The following WDFY4 variants were observed in gnomAD, a reference collection of about 807,000 sequenced individuals.
The protein encoded by WDFY4 is WDFY family member 4.
A neutral mutation model predicts 351.9 loss-of-function variants in WDFY4; 169 were observed. That is an observed-to-expected ratio of 0.48 (90% CI 0.42 to 0.55). The LOEUF is 0.55. WDFY4 is among the 20% of genes least tolerant of loss of function. The probability of loss-of-function intolerance (pLI) is 0.00; values close to 1 mark genes in which losing one functional copy is unlikely to be tolerated. For synonymous variants in WDFY4, 1,622 were observed against 1,574.6 expected (o/e 1.03, Z -0.71); for missense variants, 3,803 against 3,935.6 (o/e 0.97, Z 0.90).
At position 48,811,702 on chromosome 10, in the gene WDFY4, G is replaced by T. The variant is rs773056961; in HGVS notation, c.5208G>T (p.Gly1736=). ...CACCACTCACAGAGCTGATGGACGG[G>T]CCCAAAGTAGGTTTTCAGAGCACCC... The part of the protein sequence containing the change: ...LQTPLTELMD[G]PKDSLDAMLQ... Residue 1736 remains glycine (G), a synonymous_variant, in exon 30 of 62, where the codon GGG becomes GGT. Coordinates refer to ENST00000325239, the MANE Select transcript of WDFY4 (RefSeq NM_001394531.1). 1 of 1,551,448 alleles carries T rather than the reference G, an allele frequency of 6.4e-7. No individual in the cohort carries two copies. Among genetic ancestry groups the T allele is most frequent in the South Asian group, 1.2e-5 (1 of 84,056 alleles).
chr10:48,787,710 C>A (rs934809563), intron 20 of WDFY4, among the ~76,000 whole-genome samples: 1 of 152,102 alleles, frequency 6.6e-6, no homozygotes, highest in Non-Finnish European at 1.5e-5. Flanking sequence ...CTGGTAGTTT[C>A]GCACCTGGAG....
intron 44 of WDFY4, among the ~76,000 whole-genome samples, chr10:48,895,570 A>G (rs1264574531): frequency 6.6e-6 from 1 of 152,200 alleles, no homozygotes. Flanking sequence ...AGATGACTAC[A>G]TGCCCCAGAT....
intron 40 of WDFY4, among the ~76,000 whole-genome samples, chr10:48,868,749 A>G (rs1036940493): frequency 5.9e-5 from 9 of 152,204 alleles, no homozygotes; most frequent in Non-Finnish European, 4.4e-5. Flanking sequence ...CCTAATCTGC[A>G]TCTCGTCTAG....
At chr10:48,950,429 C>T (rs1181652260) in intron 51 of WDFY4, among the ~76,000 whole-genome samples, 1 of 152,190 alleles carries the variant, frequency 6.6e-6, no homozygotes, top group African/African-American at 2.4e-5. Context: ...GTTTATCATT[C>T]GTCCATGGCT....
intron 12 of WDFY4, among the ~76,000 whole-genome samples, chr10:48,747,032 T>C (rs10857630): frequency 0.23 from 35,240 of 152,164 alleles, 4,240 homozygotes; most frequent in African/African-American, 0.31. Context: ...CTAGTACATC[T>C]GTTAAACTTT....
chr10:48,728,917 G>A (rs886897288), intron 7 of WDFY4, among the ~76,000 whole-genome samples: 7 of 152,224 alleles, frequency 4.6e-5, no homozygotes, highest in East Asian at 1.9e-4. Context: ...CTGAAGTCAC[G>A]CTGCAAGAAC....
At chr10:48,820,107 G>A in intron 32 of WDFY4, 127 bp from the exon 33 acceptor site, 2 of 1,062,426 alleles carry the variant, frequency 1.9e-6, no homozygotes, top group Admixed American at 2.3e-5. Context: ...GCTTTCCTGT[G>A]CGGAGCCTCA....
intron 6 of WDFY4, among the ~76,000 whole-genome samples, chr10:48,726,377 T>C (rs1185306984): frequency 6.6e-6 from 1 of 152,240 alleles, no homozygotes; most frequent in African/African-American, 2.4e-5. Flanking sequence ...CTTTGTACAT[T>C]ATCTTGCTTG....
At chr10:48,697,537 G>A (rs1208689015) in intron 1 of WDFY4, among the ~76,000 whole-genome samples, 5 of 152,244 alleles carry the variant, frequency 3.3e-5, no homozygotes, top group Non-Finnish European at 7.3e-5. Flanking sequence ...CCAGGCATCT[G>A]ATGTGCAGGT....
At chr10:48,952,707 C>CTTGA (rs375224437) in intron 51 of WDFY4, among the ~76,000 whole-genome samples, 50 of 152,162 alleles carry the variant, frequency 3.3e-4, no homozygotes, top group African/African-American at 1.2e-3. Context: ...TTCAGCAAGT[C>CTTGA]TTGACGGGTT....
At chr10:48,967,722 G>A (rs1013734900) in intron 55 of WDFY4, 2 of 152,302 alleles carry the variant, frequency 1.3e-5, no homozygotes, top group African/African-American at 4.8e-5. Context: ...CTAGGGCCAT[G>A]TATGTATGAA....
chr10:48,908,477 G>T (rs1044212695), intron 47 of WDFY4, among the ~76,000 whole-genome samples: 8 of 152,186 alleles, frequency 5.3e-5, no homozygotes, highest in Non-Finnish European at 1.0e-4. Flanking sequence ...CCGAGGTTAA[G>T]GTGCCTGAAT....
chr10:48,975,260 T>C, intron 58 of WDFY4: 1 of 678,186 alleles, frequency 1.5e-6, no homozygotes, highest in East Asian at 2.8e-5. Flanking sequence ...TTGGGGACAG[T>C]GGGAAGTGTC....
In WDFY4 at chr10:48,832,601, T is replaced by C; in HGVS notation, c.6555T>C (p.Arg2185=). The change falls in exon 39 of 62, where the codon CGT becomes CGC. Residue 2185 remains arginine, a synonymous_variant. Transcript: ENST00000325239. ...CTGAGAAGAAGTCACTGGCAAGTCG[T>C]TCAAATGTTGCACACCACAGCAAAG... ...LASEKKSLAS[R]SNVAHHSKVT... is the part of the protein sequence containing the mutation. 1.9e-6 allele frequency: 3 copies of C among 1,548,884 alleles called. No individual in the cohort carries two copies. Among genetic ancestry groups the C allele is most frequent in the Non-Finnish European group, 2.6e-6 (3 of 1,145,200 alleles).
rs1325972927 is a variant in WDFY4, at chr10:48,978,351, C to T, written c.9334C>T (p.Pro3112Ser). 2 of 1,551,270 alleles carry T rather than the reference C, an allele frequency of 1.3e-6. No homozygotes were observed. The highest frequency in any genetic ancestry group is 1.4e-5 in the African/African-American group (1 of 73,008). ...TGTGAAGATGTCTGTTCCTGGACGG[C>T]CAGCAGGAGAGGAGCCCCCGGCTCA... ...EDVKMSVPGR[P>S]AGEEPPAQPP... The change falls in exon 60 of 62, where the codon CCA becomes TCA. Residue 3112 changes from proline (P) to serine (S), a missense_variant. This residue lies in a region of WDFY4 where 3,054 missense variants were observed against 3,148.6 expected (regional missense o/e 0.97). Transcript: ENST00000325239.
chr10:48,736,003 G>A lies in WDFY4; in HGVS notation c.1811G>A (p.Ser604Asn), dbSNP rs1436619232. 1 of 1,551,908 alleles carries A rather than the reference G, an allele frequency of 6.4e-7. No individual in the cohort carries two copies. Among genetic ancestry groups the A allele is most frequent in the Admixed American group, 2.0e-5 (1 of 51,012 alleles). The change falls in exon 11 of 62, where the codon AGC (serine) becomes AAC (asparagine). Residue 604 changes from serine to asparagine, a missense_variant. Transcript: ENST00000325239. ...LSAINAEEYMSIIVGALCSST... is the reference protein window; with the variant it reads ...LSAINAEEYMNIIVGALCSST... ...GCCATCAACGCCGAGGAGTACATGA[G>A]CATCATTGTGGGTGCTCTATGCTCA... is the stretch of plus-strand genomic sequence containing the variant.
chr10:48,923,043 A>T (rs188905620), intron 47 of WDFY4, among the ~76,000 whole-genome samples: 37 of 152,296 alleles, frequency 2.4e-4, no homozygotes, highest in Admixed American at 2.2e-3. Context: ...AAACATTTTT[A>T]AAAAATCGTT....
intron 12 of WDFY4, among the ~76,000 whole-genome samples, chr10:48,753,722 T>A (rs2065249716): frequency 6.6e-6 from 1 of 152,240 alleles, no homozygotes; most frequent in Non-Finnish European, 1.5e-5. Flanking sequence ...TCTATATTTA[T>A]CCTTATGTCA....
intron 12 of WDFY4, among the ~76,000 whole-genome samples, chr10:48,751,627 A>G (rs1436727419): frequency 6.6e-6 from 1 of 152,216 alleles, no homozygotes; most frequent in Admixed American, 6.5e-5. Context: ...GGCTGTCTGG[A>G]GTAATCAGCA....
Sources: allele counts gnomAD v4.1 joint callset (sites outside exome capture counted in the v4.1 genomes callset), GRCh38; gene constraint gnomAD v4.1.1; regional missense constraint gnomAD v4.1.1; transcripts MANE v1.5; gene names NCBI Gene and HGNC (gene_info 2026-07-23, HGNC 2026-07-21).